TRAPPC9: variants seen among roughly 807,000 people sequenced by gnomAD.
TRAPPC9 encodes the protein IKK2 binding protein.
Under a neutral mutation model 124.0 loss-of-function variants are expected in TRAPPC9, and 83 were observed. The observed-to-expected ratio is 0.67, with a 90% CI of 0.56 to 0.80. The LOEUF is 0.80. Ranked by LOEUF, TRAPPC9 falls within the 30% of genes least tolerant of loss-of-function variation. TRAPPC9 has a pLI of 0.00. For synonymous variants in TRAPPC9, 638 were observed against 617.5 expected (o/e 1.03, Z -0.49); for missense variants, 1,302 against 1,508.3 (o/e 0.86, Z 2.27).
intron 17 of TRAPPC9, among the ~76,000 whole-genome samples, chr8:140,178,577 C>T (rs888713714): frequency 2.0e-5 from 3 of 152,016 alleles, no homozygotes; most frequent in African/African-American, 4.8e-5. Flanking sequence ...AGATGGACAT[C>T]GTTCTGTAAT....
At chr8:140,236,301 T>C (rs138889647) in intron 16 of TRAPPC9, among the ~76,000 whole-genome samples, 251 of 152,328 alleles carry the variant, frequency 1.6e-3, no homozygotes, top group Admixed American at 2.6e-3. Flanking sequence ...CAGGCTGGTC[T>C]CGAACTTCTG....
intron 16 of TRAPPC9, among the ~76,000 whole-genome samples, chr8:140,224,807 A>G (rs1039056692): frequency 1.3e-5 from 2 of 152,028 alleles, no homozygotes; most frequent in African/African-American, 4.8e-5. Context: ...TAGCTGTCCT[A>G]ATGGAAAGCA....
intron 17 of TRAPPC9, among the ~76,000 whole-genome samples, chr8:140,036,409 C>G (rs1020027798): frequency 6.6e-6 from 1 of 151,992 alleles, no homozygotes; most frequent in Non-Finnish European, 1.5e-5. Context: ...TTGAAGACAT[C>G]AGAGCTGACC....
chr8:140,289,408 A>G (rs568182346), intron 12 of TRAPPC9, among the ~76,000 whole-genome samples: 1 of 152,320 alleles, frequency 6.6e-6, no homozygotes, highest in South Asian at 2.1e-4. Context: ...CTCTAGGCAA[A>G]TATATTGGCA....
At chr8:140,280,507 C>A (rs1588084361) in intron 14 of TRAPPC9, among the ~76,000 whole-genome samples, 1 of 152,154 alleles carries the variant, frequency 6.6e-6, no homozygotes, top group African/African-American at 2.4e-5. Flanking sequence ...CGGCTCACTG[C>A]AACCTCCGCC....
chr8:140,223,648 C>G (rs1023318682), intron 16 of TRAPPC9, among the ~76,000 whole-genome samples: 1 of 151,944 alleles, frequency 6.6e-6, no homozygotes, highest in African/African-American at 2.4e-5. Context: ...TGTATATTTC[C>G]AAATTCGCAA....
At chr8:139,943,537 G>T (rs1199762301) in intron 19 of TRAPPC9, among the ~76,000 whole-genome samples, 1 of 152,164 alleles carries the variant, frequency 6.6e-6, no homozygotes, top group Non-Finnish European at 1.5e-5. Context: ...CCAAGAAACT[G>T]ACCCATCCTT....
intron 15 of TRAPPC9, among the ~76,000 whole-genome samples, chr8:140,255,286 T>C (rs2064225554): frequency 6.6e-6 from 1 of 152,182 alleles, no homozygotes; most frequent in Non-Finnish European, 1.5e-5. Context: ...CCTCACTTAA[T>C]CCTCCCAACA....
At chr8:139,815,558 A>C (rs1454890017) in intron 21 of TRAPPC9, among the ~76,000 whole-genome samples, 1 of 151,948 alleles carries the variant, frequency 6.6e-6, no homozygotes, top group Non-Finnish European at 1.5e-5. Flanking sequence ...TGGCTGCCTA[A>C]TTTTTGTATT....
At chr8:140,268,120 G>A (rs191202640) in intron 15 of TRAPPC9, among the ~76,000 whole-genome samples, 10 of 117,314 alleles carry the variant, frequency 8.5e-5, no homozygotes, top group Admixed American at 4.3e-4. Flanking sequence ...TAAGCTCAAT[G>A]GGCTCAGAAT....
chr8:140,216,252 AATG>A lies in TRAPPC9; in HGVS notation c.2556+5204_2556+5206del, dbSNP rs1317555993. Among the ~76,000 whole-genome samples the A allele has an allele frequency of 6.6e-6, 1 of 152,232 alleles. No homozygotes were observed. Among genetic ancestry groups the A allele is most frequent in the Non-Finnish European group, 1.5e-5 (1 of 68,040 alleles). ...ATGCAAGAGTTCCTCGGTAAACGGT[AATG>A]ATATTTTAATCATTACATTTAAATA... is the stretch of plus-strand genomic sequence containing the variant. On this transcript the variant is annotated intron_variant, in intron 17 of 22. Coordinates refer to ENST00000438773, the MANE Select transcript of TRAPPC9 (RefSeq NM_001160372.4). The surrounding 1 kb of genome is among the most constrained non-coding windows in gnomAD (Gnocchi z 4.1).
rs193031141 is a variant in TRAPPC9, at chr8:139,826,471, C to T, written c.3055+59408G>A. 1.6e-3 allele frequency among the ~76,000 whole-genome samples: 236 copies of T among 148,736 alleles called. 1 individual carries two copies. The highest frequency in any genetic ancestry group is 4.5e-4 in the Non-Finnish European group (30 of 66,612). On this transcript the variant is annotated intron_variant, in intron 21 of 22. Transcript: ENST00000438773. ...CTGTGGCCTCCTTCCCCCGCAGGGT[C>T]GGTGCCTGGGGGGAACAGAGACCCC...
chr8:140,204,462 G>C (rs900959622), intron 17 of TRAPPC9, among the ~76,000 whole-genome samples: 1 of 141,602 alleles, frequency 7.1e-6, no homozygotes, highest in Non-Finnish European at 1.5e-5. Flanking sequence ...ATCACACACC[G>C]GGGGCTGTCG....
rs757482428 is a variant in TRAPPC9, at chr8:140,024,093, A to T, written c.2557-14T>A. ...AGCTTCCAGGGTCTAAAAGATATTAAAAAAAAAAATACACACACACACATT... is the reference window on the plus strand; with the variant it reads ...AGCTTCCAGGGTCTAAAAGATATTATAAAAAAAAATACACACACACACATT... On this transcript the variant is annotated splice_polypyrimidine_tract_variant and intron_variant, in intron 17 of 22. Transcript: ENST00000438773. 2.8e-4 allele frequency: 403 copies of T among 1,460,614 alleles called. 1 individual carries two copies. The highest frequency in any genetic ancestry group is 3.9e-4 in the East Asian group (16 of 41,530). 90.5% of individuals were successfully genotyped at this position (1,460,614 alleles called of 1,614,324 possible).
At chr8:140,263,634 A>G (rs901395060) in intron 15 of TRAPPC9, among the ~76,000 whole-genome samples, 2 of 152,232 alleles carry the variant, frequency 1.3e-5, no homozygotes, top group Non-Finnish European at 2.9e-5. Flanking sequence ...CCTTGCATGT[A>G]GTATAACAAC....
intron 17 of TRAPPC9, among the ~76,000 whole-genome samples, chr8:140,194,032 T>G (rs952174989): frequency 6.6e-6 from 1 of 152,202 alleles, no homozygotes; most frequent in African/African-American, 2.4e-5. Context: ...CAAATTCTAA[T>G]CCCGGTTTTA....
intron 21 of TRAPPC9, among the ~76,000 whole-genome samples, chr8:139,875,328 G>A (rs1829251504): frequency 6.6e-6 from 1 of 152,100 alleles, no homozygotes; most frequent in African/African-American, 2.4e-5. Flanking sequence ...CCTCCTCCAG[G>A]GTTGCCACAG....
At chr8:140,240,721 T>C (rs1476928895) in intron 16 of TRAPPC9, among the ~76,000 whole-genome samples, 2 of 152,092 alleles carry the variant, frequency 1.3e-5, no homozygotes, top group Non-Finnish European at 2.9e-5. Context: ...TTTGCTTAAT[T>C]TTTTGTAGAG....
intron 5 of TRAPPC9, among the ~76,000 whole-genome samples, chr8:140,408,592 G>A (rs1007321472): frequency 6.6e-6 from 1 of 151,986 alleles, no homozygotes; most frequent in Non-Finnish European, 1.5e-5. Context: ...CACCAGCCTG[G>A]GTCACTAACA....
Sources: gnomAD v4.1 joint callset for allele counts (sites outside exome capture counted in the v4.1 genomes callset) on GRCh38, gnomAD v4.1.1 for gene constraint, Gnocchi (gnomAD v3.1) non-coding constraint, MANE v1.5 for transcripts, NCBI Gene and HGNC (gene_info 2026-07-23, HGNC 2026-07-21) for gene names.